THSD4: variants seen among roughly 807,000 people sequenced by gnomAD.
THSD4 encodes thrombospondin type 1 domain containing 4, also known as thrombospondin type-1 domain-containing protein 4.
THSD4 carries 69 observed loss-of-function variants against 119.0 expected under a neutral mutation model. The ratio of observed to expected loss-of-function variants is 0.58; its 90% CI spans 0.48 to 0.71. The LOEUF is 0.71. Ranked by LOEUF, THSD4 falls within the 30% of genes least tolerant of loss-of-function variation. The probability of loss-of-function intolerance (pLI) is 0.00; values close to 1 mark genes in which losing one functional copy is unlikely to be tolerated. For missense variants in THSD4, 1,393 were observed against 1,391.1 expected (o/e 1.00, Z -0.02); for synonymous variants, 524 against 540.4 (o/e 0.97, Z 0.42).
chr15:71,173,553 T>TACACAC (rs139875962), intron 3 of THSD4, among the ~76,000 whole-genome samples: 37 of 117,712 alleles, frequency 3.1e-4, no homozygotes, highest in African/African-American at 8.5e-4. Flanking sequence ...AAAATAGACC[T>TACACAC]ACACACACAC....
chr15:71,569,911 T>A (rs1195526421), intron 7 of THSD4, among the ~76,000 whole-genome samples: 1 of 152,182 alleles, frequency 6.6e-6, no homozygotes, highest in Non-Finnish European at 1.5e-5. Context: ...GGAGAATCAC[T>A]TGAACCCAGG....
At position 71,337,510 on chromosome 15, in the gene THSD4, T is replaced by C. The variant is rs16955451; in HGVS notation, c.1016-74177T>C. Among the ~76,000 whole-genome samples the C allele has an allele frequency of 2.9e-3, 436 of 152,358 alleles. 6 individuals carry two copies. The highest frequency in any genetic ancestry group is 0.01 in the African/African-American group (423 of 41,594). Reference sequence around the variant, plus strand: ...ATCAGCTAGTTAACATGTGAAAAGTTGTCCCAAATGGAAACTGGATAAACA... The same window carrying C: ...ATCAGCTAGTTAACATGTGAAAAGTCGTCCCAAATGGAAACTGGATAAACA... On this transcript the variant is annotated intron_variant, in intron 6 of 17. Coordinates refer to ENST00000261862, the MANE Select transcript of THSD4 (RefSeq NM_024817.3).
At chr15:71,750,285 C>T (rs538542353) in intron 14 of THSD4, among the ~76,000 whole-genome samples, 1 of 152,316 alleles carries the variant, frequency 6.6e-6, no homozygotes, top group Non-Finnish European at 1.5e-5. Flanking sequence ...CATACGGCCA[C>T]ATTGGCTGAC....
chr15:71,747,236 C>T (rs2053357837), intron 13 of THSD4, among the ~76,000 whole-genome samples, 194 bp downstream of exon 13: 1 of 152,128 alleles, frequency 6.6e-6, no homozygotes, highest in East Asian at 1.9e-4. Context: ...GTAGTGTGTG[C>T]CACCCACAGC....
intron 8 of THSD4, among the ~76,000 whole-genome samples, chr15:71,709,442 A>G (rs1768409569): frequency 1.3e-5 from 2 of 152,148 alleles, no homozygotes; most frequent in Admixed American, 1.3e-4. Context: ...GTGGAGAAGA[A>G]GGGGCATCAC....
At chr15:71,239,052 G>A (rs2044130301) in intron 4 of THSD4, among the ~76,000 whole-genome samples, 1 of 152,138 alleles carries the variant, frequency 6.6e-6, no homozygotes, top group African/African-American at 2.4e-5. Flanking sequence ...TGCCAAAGTT[G>A]GTAGAGCTAT....
chr15:71,304,500 T>C (rs2044996034), intron 6 of THSD4, among the ~76,000 whole-genome samples: 1 of 152,126 alleles, frequency 6.6e-6, no homozygotes, highest in African/African-American at 2.4e-5. Flanking sequence ...AAAAATATGT[T>C]TGGTAGTAAA....
At chr15:71,110,281 A>AT (rs1214222349) in intron 1 of THSD4, 2 of 152,140 alleles carry the variant, frequency 1.3e-5, no homozygotes, top group East Asian at 1.9e-4. Context: ...GTTTGCATTT[A>AT]TTTTTTTCAT....
intron 3 of THSD4, among the ~76,000 whole-genome samples, chr15:71,176,111 T>C (rs1377804786): frequency 1.3e-4 from 19 of 146,726 alleles, no homozygotes; most frequent in Admixed American, 1.0e-3. Context: ...AACATCATAA[T>C]GACAGGATCA....
intron 2 of THSD4, among the ~76,000 whole-genome samples, chr15:71,148,386 C>T (rs1398316621): frequency 3.3e-5 from 5 of 152,226 alleles, no homozygotes; most frequent in Non-Finnish European, 7.3e-5. Context: ...GGCTGCTGTG[C>T]GCCGAAGACC....
intron 7 of THSD4, among the ~76,000 whole-genome samples, chr15:71,509,176 A>G (rs1455263760): frequency 1.3e-5 from 2 of 152,226 alleles, no homozygotes; most frequent in Non-Finnish European, 2.9e-5. Flanking sequence ...AGCAACATTT[A>G]GAAATGAGGG....
intron 8 of THSD4, among the ~76,000 whole-genome samples, chr15:71,690,578 G>A (rs2052026409): frequency 6.6e-6 from 1 of 152,152 alleles, no homozygotes; most frequent in African/African-American, 2.4e-5. Flanking sequence ...AAGTTACATG[G>A]TGTATTAGTC....
chr15:71,634,159 C>T lies in THSD4; in HGVS notation c.1153-26371C>T, dbSNP rs536685153. Among the ~76,000 whole-genome samples the T allele has an allele frequency of 1.4e-3, 213 of 150,856 alleles. 4 individuals carry two copies. The highest frequency in any genetic ancestry group is 0.014 in the Admixed American group (211 of 15,096). Reference sequence around the variant, plus strand: ...CCGAGATCGCACCATTGCACTCCAGCCTGGGCAACAAGAGTGAAACTCCGT... The same window carrying T: ...CCGAGATCGCACCATTGCACTCCAGTCTGGGCAACAAGAGTGAAACTCCGT... On this transcript the variant is annotated intron_variant, in intron 7 of 17. Transcript: ENST00000261862.
chr15:71,407,358 T>A (rs1476499709), intron 6 of THSD4, among the ~76,000 whole-genome samples: 1 of 152,190 alleles, frequency 6.6e-6, no homozygotes, highest in Non-Finnish European at 1.5e-5. Flanking sequence ...GCTAAGTCAT[T>A]ACAATGAGTC....
At chr15:71,405,662 A>G (rs762534024) in intron 6 of THSD4, among the ~76,000 whole-genome samples, 36 of 152,118 alleles carry the variant, frequency 2.4e-4, no homozygotes, top group Non-Finnish European at 4.6e-4. Flanking sequence ...TTTTTGTGTG[A>G]ATTTTAGGAT....
At chr15:71,374,071 T>C (rs1181939279) in intron 6 of THSD4, among the ~76,000 whole-genome samples, 1 of 152,202 alleles carries the variant, frequency 6.6e-6, no homozygotes, top group African/African-American at 2.4e-5. Context: ...TGTATTTTCT[T>C]GTGTGGAACA....
chr15:71,367,384 C>A (rs927159500), intron 6 of THSD4, among the ~76,000 whole-genome samples: 2 of 152,172 alleles, frequency 1.3e-5, no homozygotes, highest in Non-Finnish European at 2.9e-5. Flanking sequence ...TGGTGGTGTG[C>A]TGCGCACATT....
chr15:71,353,095 T>C (rs1485707108), intron 6 of THSD4, among the ~76,000 whole-genome samples: 1 of 152,222 alleles, frequency 6.6e-6, no homozygotes, highest in South Asian at 2.1e-4. Context: ...TTCTGAGCAC[T>C]CTATACATGA....
intron 7 of THSD4, among the ~76,000 whole-genome samples, chr15:71,513,645 C>G (rs12101403): frequency 0.12 from 18,150 of 152,166 alleles, 2,281 homozygotes; most frequent in African/African-American, 0.32. Flanking sequence ...AATGGTACAA[C>G]CACTTTGGAC....
Sources: gnomAD v4.1 joint callset for allele counts (sites outside exome capture counted in the v4.1 genomes callset) on GRCh38, gnomAD v4.1.1 for gene constraint, MANE v1.5 for transcripts, NCBI Gene and HGNC (gene_info 2026-07-23, HGNC 2026-07-21) for gene names.